CFAP43: variants seen among roughly 807,000 people sequenced by gnomAD.
The protein encoded by CFAP43 is cilia and flagella associated protein 43, also known as cilia- and flagella-associated protein 43.
In CFAP43, 155 loss-of-function variants were observed where a neutral mutation model predicts 218.9. That is an observed-to-expected ratio of 0.71 (90% confidence interval 0.62 to 0.81). The LOEUF is 0.81. CFAP43 is among the 30% of genes least tolerant of loss of function. The pLI, the probability that CFAP43 is intolerant of heterozygous loss-of-function variation, is 0.00. For synonymous variants in CFAP43, 645 were observed against 681.3 expected (o/e 0.95, Z 0.83); for missense variants, 1,778 against 1,954.3 (o/e 0.91, Z 1.70).
chr10:104,205,212 CAA>C (rs71022723), intron 7 of CFAP43, among the ~76,000 whole-genome samples: 4,889 of 56,072 alleles, frequency 0.087, 33 homozygotes, highest in South Asian at 0.2. Context: ...GACTCCGTCT[CAA>C]AAAAAAAAAA....
chr10:104,189,862 C>CA (rs771775957), intron 12 of CFAP43, among the ~76,000 whole-genome samples: 1 of 151,166 alleles, frequency 6.6e-6, no homozygotes, highest in Non-Finnish European at 1.5e-5. Context: ...CAAAACAAAA[C>CA]AAACAAACAA....
chr10:104,221,452 T>C (rs776971094), intron 3 of CFAP43, among the ~76,000 whole-genome samples: 1 of 152,126 alleles, frequency 6.6e-6, no homozygotes, highest in Non-Finnish European at 1.5e-5. Context: ...TAAGTGTCCT[T>C]ATAAAAGAGA....
chr10:104,214,272 A>T lies in CFAP43; in HGVS notation c.571T>A (p.Cys191Ser), dbSNP rs769323376. The change falls in exon 4 of 38, where the codon TGT becomes AGT. Residue 191 changes from cysteine to serine, a missense_variant. Coordinates refer to ENST00000357060, the MANE Select transcript of CFAP43 (RefSeq NM_025145.7). ...WTIERSNQEH[C>S]FRARSVKLPL... The stretch of plus-strand genomic sequence containing the variant: ...AAAGGCTCCTACCTTGCTCTGAAAC[A>T]ATGCTCCTGGTTACTTCTTTCAATG... 6.3e-7 allele frequency: 1 copy of T among 1,590,802 alleles called. No homozygotes were observed. The highest frequency in any genetic ancestry group is 2.3e-5 in the East Asian group (1 of 44,378).
intron 1 of CFAP43, among the ~76,000 whole-genome samples, chr10:104,231,842 A>G (rs2135025136): frequency 6.6e-6 from 1 of 152,090 alleles, no homozygotes; most frequent in Admixed American, 6.6e-5. Flanking sequence ...GGGGAGGGGG[A>G]TGTGATCAGA....
chr10:104,230,889 C>T (rs11191960), intron 1 of CFAP43, 46 bp from the exon 2 acceptor site: 212 of 1,237,190 alleles, frequency 1.7e-4, no homozygotes, highest in African/African-American at 9.1e-4. Context: ...ATTTCAAATA[C>T]TTTTTTTTTT....
intron 18 of CFAP43, 75 bp downstream of exon 18, chr10:104,179,765 G>T: frequency 8.9e-7 from 1 of 1,125,352 alleles, no homozygotes; most frequent in Admixed American, 2.0e-5. Flanking sequence ...TTTCCAGTAG[G>T]TTTCCATAGG....
intron 27 of CFAP43, among the ~76,000 whole-genome samples, chr10:104,153,430 A>C (rs1461013053): frequency 6.6e-6 from 1 of 152,198 alleles, no homozygotes; most frequent in African/African-American, 2.4e-5. Flanking sequence ...TTATAACCCA[A>C]AGGATAAATG....
intron 13 of CFAP43, 145 bp downstream of exon 13, chr10:104,188,125 A>T: frequency 1.0e-6 from 1 of 983,442 alleles, no homozygotes; most frequent in Non-Finnish European, 1.5e-6. Flanking sequence ...ACTGTTTAGC[A>T]TGTTGGTTTT....
chr10:104,139,562 T>C (rs1453695461), intron 34 of CFAP43, among the ~76,000 whole-genome samples: 3 of 152,018 alleles, frequency 2.0e-5, no homozygotes, highest in African/African-American at 7.3e-5. Context: ...CAGAAGAAAA[T>C]GAACATCTTT....
intron 21 of CFAP43, 113 bp from the exon 22 acceptor site, chr10:104,167,850 T>C (rs1320375221): frequency 1.5e-6 from 1 of 669,412 alleles, no homozygotes; most frequent in Non-Finnish European, 2.4e-6. Flanking sequence ...GGTTATCATG[T>C]GTTAGTAAAA....
In CFAP43 at chr10:104,192,361, C is replaced by G. The variant is rs111682092; in HGVS notation, c.1443-59G>C. On this transcript the variant is annotated intron_variant, in intron 11 of 37. Transcript: ENST00000357060. ...ATTGTTTCACCAGCTAGATGGTGAA[C>G]AAGTTTATTGAATGGCCACAGAGAT... 262 of 1,297,632 alleles carry G rather than the reference C, an allele frequency of 2.0e-4. 1 individual carries two copies. In the African/African-American group the frequency reaches 3.3e-3, roughly 16 times the overall value. 80.4% of individuals were successfully genotyped at this position (1,297,632 alleles called of 1,614,324 possible).
chr10:104,193,719 C>A, intron 11 of CFAP43, 147 bp downstream of exon 11: 4 of 1,148,904 alleles, frequency 3.5e-6, no homozygotes, highest in Non-Finnish European at 4.8e-6. Context: ...CCCTCTGTAC[C>A]TTTTGAGTGT....
chr10:104,190,056 T>C (rs2090158928), intron 12 of CFAP43, among the ~76,000 whole-genome samples: 1 of 142,620 alleles, frequency 7.0e-6, no homozygotes. Context: ...TAGGCCCAGC[T>C]ACTCAGGAGG....
chr10:104,156,936 C>A (rs1055477806), intron 27 of CFAP43, among the ~76,000 whole-genome samples: 9 of 152,224 alleles, frequency 5.9e-5, no homozygotes, highest in Admixed American at 5.2e-4. Context: ...GTCCCCTCAA[C>A]ATAAGGGGCA....
rs1202649120 is a variant in CFAP43 at position 104,131,636 on chromosome 10, C to T, written c.4678-152G>A. ...TGTAGTGCCTGGCATAGTAGGCACT[C>T]GAGTTATTTGTTGAAAGGTAGAATG... On this transcript the variant is annotated intron_variant, in intron 36 of 37. Transcript: ENST00000357060. The T allele has an allele frequency of 2.3e-5, 20 of 869,544 alleles. No homozygotes were observed. The South Asian group carries it at 3.1e-4, about 13-fold the overall frequency. The allele number at this position is 869,544 out of a possible 1,614,324, so 53.9% of individuals were successfully genotyped here.
chr10:104,211,106 A>T (rs1447031779), intron 5 of CFAP43, among the ~76,000 whole-genome samples: 1 of 152,052 alleles, frequency 6.6e-6, no homozygotes, highest in Non-Finnish European at 1.5e-5. Context: ...TTGTCCTTCA[A>T]ATCTTAGCTT....
chr10:104,161,251 T>C, intron 26 of CFAP43, 89 bp from the exon 27 acceptor site: 1 of 1,415,614 alleles, frequency 7.1e-7, no homozygotes, highest in Non-Finnish European at 9.5e-7. Flanking sequence ...AAAAAGCCCT[T>C]TAAAAGGATA....
Position 104,166,629 on chromosome 10 carries a change from GTCTTCC to G in CFAP43, c.2892_2897del (p.Glu964_Glu965del), listed in dbSNP as rs764774638. 5.6e-6 allele frequency: 9 copies of G among 1,614,084 alleles called. No homozygotes were observed. Among genetic ancestry groups the G allele is most frequent in the African/African-American group, 2.7e-5 (2 of 75,030 alleles). On this transcript the variant is annotated inframe_deletion, in exon 23 of 38. Coordinates refer to ENST00000357060, the MANE Select transcript of CFAP43 (RefSeq NM_025145.7). ...GCAAATTGCTATATTTTACTGTCTTGTCTTCCTCTTCCTCTTCTTCATCATCCTCTT... is the reference window on the plus strand; with the variant it reads ...GCAAATTGCTATATTTTACTGTCTTGTCTTCCTCTTCTTCATCATCCTCTT...
intron 29 of CFAP43, among the ~76,000 whole-genome samples, chr10:104,147,175 C>A (rs919037495): frequency 4.6e-5 from 7 of 150,884 alleles, no homozygotes; most frequent in African/African-American, 1.5e-4. Flanking sequence ...GCTACCCAGA[C>A]TCTCTGAGAT....
Sources: gnomAD v4.1 joint callset for allele counts (sites outside exome capture counted in the v4.1 genomes callset) on GRCh38, gnomAD v4.1.1 for gene constraint, MANE v1.5 for transcripts, NCBI Gene and HGNC (gene_info 2026-07-23, HGNC 2026-07-21) for gene names.